Variants in ANGPTL2 observed in about 807,000 individuals in gnomAD.
The protein encoded by ANGPTL2 is angiopoietin like 2.
A neutral mutation model predicts 52.8 loss-of-function variants in ANGPTL2; 25 were observed. That is an observed-to-expected ratio of 0.47 (90% confidence interval 0.35 to 0.66). The LOEUF is 0.66. ANGPTL2 is among the 30% of genes least tolerant of loss of function. The pLI is 0.01. For missense variants in ANGPTL2, 546 were observed against 656.9 expected (o/e 0.83, Z 1.84); for synonymous variants, 276 against 277.4 (o/e 1.00, Z 0.05).
intron 1 of ANGPTL2, among the ~76,000 whole-genome samples, chr9:127,109,316 G>A (rs551205105): frequency 9.2e-5 from 14 of 152,292 alleles, no homozygotes; most frequent in African/African-American, 2.6e-4. Flanking sequence ...AGGGCATGTC[G>A]TCTGTCTGAT....
chr9:127,101,184 T>G (rs1228161867), intron 2 of ANGPTL2, among the ~76,000 whole-genome samples: 16 of 152,230 alleles, frequency 1.1e-4, no homozygotes. Flanking sequence ...GTAAGAATGG[T>G]GATGATCATG....
At chr9:127,098,089 C>T (rs2053335437) in intron 2 of ANGPTL2, among the ~76,000 whole-genome samples, 1 of 152,178 alleles carries the variant, frequency 6.6e-6, no homozygotes, top group Non-Finnish European at 1.5e-5. Flanking sequence ...CCTCCACACA[C>T]GTTACTATAT....
chr9:127,101,852 G>C (rs2053761417), intron 2 of ANGPTL2, among the ~76,000 whole-genome samples: 1 of 152,148 alleles, frequency 6.6e-6, no homozygotes, highest in South Asian at 2.1e-4. Flanking sequence ...ATTTTTCTCT[G>C]TGTGTATAGT....
chr9:127,093,095 G>A (rs1195583201), intron 3 of ANGPTL2, among the ~76,000 whole-genome samples: 1 of 152,142 alleles, frequency 6.6e-6, no homozygotes, highest in East Asian at 1.9e-4. Context: ...TTAGCATGGT[G>A]CTGGCACGGG....
At chr9:127,109,627 T>G (rs1350247164) in intron 1 of ANGPTL2, among the ~76,000 whole-genome samples, 1 of 152,224 alleles carries the variant, frequency 6.6e-6, no homozygotes, top group Non-Finnish European at 1.5e-5. Flanking sequence ...TTGCTTCACT[T>G]CTATTCTTGG....
intron 1 of ANGPTL2, among the ~76,000 whole-genome samples, chr9:127,120,411 C>A (rs1208245102): frequency 1.3e-5 from 2 of 152,188 alleles, no homozygotes; most frequent in East Asian, 3.8e-4. Flanking sequence ...ATAAAGCCCC[C>A]CTCTCCTCAG....
chr9:127,101,884 A>G (rs1371694554), intron 2 of ANGPTL2, among the ~76,000 whole-genome samples: 1 of 152,246 alleles, frequency 6.6e-6, no homozygotes, highest in African/African-American at 2.4e-5. Context: ...ACTGTATTCA[A>G]AAATATCAGG....
At chr9:127,106,091 A>T (rs990714404) in intron 2 of ANGPTL2, among the ~76,000 whole-genome samples, 1 of 152,190 alleles carries the variant, frequency 6.6e-6, no homozygotes, top group Non-Finnish European at 1.5e-5. Flanking sequence ...TTCCTATACT[A>T]TGTATCTGCC....
chr9:127,109,664 A>G (rs554543310), intron 1 of ANGPTL2, among the ~76,000 whole-genome samples: 3 of 152,242 alleles, frequency 2.0e-5, no homozygotes, highest in Non-Finnish European at 4.4e-5. Context: ...CCAGATGTTG[A>G]TTGAACACCT....
At chr9:127,099,159 A>G (rs1178313035) in intron 2 of ANGPTL2, among the ~76,000 whole-genome samples, 1 of 152,206 alleles carries the variant, frequency 6.6e-6, no homozygotes, top group Non-Finnish European at 1.5e-5. Context: ...CCCTGAGTCC[A>G]GCCCCAGGTG....
At chr9:127,100,866 C>A (rs1036332569) in intron 2 of ANGPTL2, among the ~76,000 whole-genome samples, 3 of 152,190 alleles carry the variant, frequency 2.0e-5, no homozygotes, top group African/African-American at 7.2e-5. Flanking sequence ...CATTGGTGAC[C>A]TTTTAATCTT....
At chr9:127,116,043 T>C (rs1345668935) in intron 1 of ANGPTL2, among the ~76,000 whole-genome samples, 1 of 152,172 alleles carries the variant, frequency 6.6e-6, no homozygotes, top group Non-Finnish European at 1.5e-5. Context: ...CATAAGACCA[T>C]TGAATGAACC....
chr9:127,116,694 G>A (rs747913959), intron 1 of ANGPTL2, among the ~76,000 whole-genome samples: 1 of 152,208 alleles, frequency 6.6e-6, no homozygotes, highest in Non-Finnish European at 1.5e-5. Flanking sequence ...GGACCAGGCT[G>A]AGAAGTTGGC....
chr9:127,092,057 G>C, intron 3 of ANGPTL2, 117 bp from the exon 4 acceptor site: 3 of 1,294,976 alleles, frequency 2.3e-6, no homozygotes, highest in Non-Finnish European at 2.1e-6. Flanking sequence ...AGAGCATGAA[G>C]CAGACCTGGT....
intron 1 of ANGPTL2, among the ~76,000 whole-genome samples, chr9:127,111,475 G>A (rs2054803342): frequency 6.6e-6 from 1 of 152,200 alleles, no homozygotes; most frequent in South Asian, 2.1e-4. Context: ...TTGATGGAAT[G>A]ACAAGACACA....
At chr9:127,120,496 A>T (rs2055932285) in intron 1 of ANGPTL2, among the ~76,000 whole-genome samples, 1 of 152,168 alleles carries the variant, frequency 6.6e-6, no homozygotes, top group Non-Finnish European at 1.5e-5. Context: ...ATTTTCTGAA[A>T]ACCCTAGCAG....
intron 4 of ANGPTL2, among the ~76,000 whole-genome samples, chr9:127,090,903 A>G (rs184948529): frequency 2.0e-5 from 3 of 152,212 alleles, no homozygotes; most frequent in Admixed American, 6.5e-5. Context: ...GCCAGACCAT[A>G]TCTCTGTTTC....
chr9:127,093,483 C>T (rs942612623), intron 3 of ANGPTL2, among the ~76,000 whole-genome samples: 60 of 152,240 alleles, frequency 3.9e-4, no homozygotes, highest in African/African-American at 1.4e-3. Flanking sequence ...GTCTGGTCTA[C>T]TGACTCTTGT....
chr9:127,091,732 G>A lies in ANGPTL2; in HGVS notation c.1220C>T (p.Ser407Phe). The change falls in exon 4 of 5, where the codon TCC becomes TTC. Residue 407 changes from serine (S) to phenylalanine (F), a missense_variant. This residue lies in a region of ANGPTL2 where 261 missense variants were observed against 361.0 expected (regional missense o/e 0.72). Coordinates refer to ENST00000373425, the MANE Select transcript of ANGPTL2 (RefSeq NM_012098.3). This position sits in a 1 kb window ranked among gnomAD's most constrained non-coding sequence, Gnocchi z 4.3. ...LGRYHGNAGD[S>F]FTWHNGKQFT... Reference sequence around the variant, plus strand: ...CTGCTTGCCGTTGTGCCATGTAAAGGAGTCACCCGCATTGCCATGGTAGCG... The same window carrying A: ...CTGCTTGCCGTTGTGCCATGTAAAGAAGTCACCCGCATTGCCATGGTAGCG... 1 of 1,614,060 alleles carries A rather than the reference G, an allele frequency of 6.2e-7. No individual in the cohort carries two copies. Among genetic ancestry groups the A allele is most frequent in the Non-Finnish European group, 8.5e-7 (1 of 1,180,022 alleles).
Sources: allele counts gnomAD v4.1 joint callset (sites outside exome capture counted in the v4.1 genomes callset), GRCh38; gene constraint gnomAD v4.1.1; regional missense constraint gnomAD v4.1.1; non-coding constraint Gnocchi (gnomAD v3.1); transcripts MANE v1.5; gene names NCBI Gene and HGNC (gene_info 2026-07-23, HGNC 2026-07-21).